The following RABGAP1L variants were observed in gnomAD, a reference collection of about 807,000 sequenced individuals.
The protein encoded by RABGAP1L is RAB GTPase activating protein 1 like.
Under a neutral mutation model 137.7 loss-of-function variants are expected in RABGAP1L, and 63 were observed. That is an observed-to-expected ratio of 0.46 (90% CI 0.37 to 0.56). RABGAP1L has a LOEUF of 0.56. Ranked by LOEUF, RABGAP1L falls within the 20% of genes least tolerant of loss-of-function variation. RABGAP1L has a pLI of 0.00. For synonymous variants in RABGAP1L, 431 were observed against 433.7 expected (o/e 0.99, Z 0.08); for missense variants, 1,095 against 1,244.0 (o/e 0.88, Z 1.80).
intron 13 of RABGAP1L, among the ~76,000 whole-genome samples, chr1:174,424,799 C>T (rs1240799128): frequency 6.6e-6 from 1 of 151,886 alleles, no homozygotes; most frequent in African/African-American, 2.4e-5. Context: ...TCATTCATGA[C>T]ACAATTTATA....
chr1:174,491,140 A>T (rs932145755), intron 13 of RABGAP1L, among the ~76,000 whole-genome samples: 1 of 152,108 alleles, frequency 6.6e-6, no homozygotes, highest in Non-Finnish European at 1.5e-5. Context: ...GAGTAGATGG[A>T]GTCTGTCATC....
At chr1:174,420,812 C>A (rs1169871261) in intron 13 of RABGAP1L, among the ~76,000 whole-genome samples, 3 of 151,842 alleles carry the variant, frequency 2.0e-5, no homozygotes, top group East Asian at 3.9e-4. Context: ...GTAGCTGGGA[C>A]TACAGGCGCC....
At chr1:174,782,160 A>G (rs577381428) in intron 18 of RABGAP1L, among the ~76,000 whole-genome samples, 282 of 152,254 alleles carry the variant, frequency 1.9e-3, no homozygotes, top group Non-Finnish European at 2.1e-3. Context: ...CTTGGGCAGT[A>G]TGGCCATTTT....
chr1:174,502,638 GTA>G (rs1314085970), intron 13 of RABGAP1L, among the ~76,000 whole-genome samples: 24 of 146,516 alleles, frequency 1.6e-4, no homozygotes, highest in African/African-American at 4.8e-4. Flanking sequence ...ATATATGTGT[GTA>G]TATATATGTA....
At chr1:174,447,972 G>C in intron 13 of RABGAP1L, 1 of 614,102 alleles carries the variant, frequency 1.6e-6, no homozygotes, top group Non-Finnish European at 2.8e-6. Flanking sequence ...GCACTCTCTG[G>C]GACTCTCAGC....
chr1:174,399,095 C>T (rs959573585), intron 13 of RABGAP1L, among the ~76,000 whole-genome samples: 10 of 152,112 alleles, frequency 6.6e-5, no homozygotes, highest in East Asian at 1.9e-4. Flanking sequence ...TAATCATGTG[C>T]GTTTATTCAG....
chr1:174,487,548 G>T (rs1305530179), intron 13 of RABGAP1L, among the ~76,000 whole-genome samples: 17 of 152,096 alleles, frequency 1.1e-4, no homozygotes, highest in Admixed American at 1.1e-3. Context: ...GTAGGCAACA[G>T]ATCATTGAGT....
chr1:174,473,725 C>T (rs1343096625), intron 13 of RABGAP1L, among the ~76,000 whole-genome samples: 1 of 152,042 alleles, frequency 6.6e-6, no homozygotes, highest in African/African-American at 2.4e-5. Context: ...GTTTAGAATC[C>T]ACATATGTAA....
At chr1:174,225,507 T>TTA (rs1351621587) in intron 3 of RABGAP1L, among the ~76,000 whole-genome samples, 2 of 151,522 alleles carry the variant, frequency 1.3e-5, no homozygotes, top group African/African-American at 4.8e-5. Flanking sequence ...TTTTTTTTTT[T>TTA]TTTTTTTTAA....
intron 13 of RABGAP1L, among the ~76,000 whole-genome samples, chr1:174,634,918 G>T (rs1673822185): frequency 1.4e-5 from 2 of 144,286 alleles, no homozygotes; most frequent in South Asian, 2.2e-4. Context: ...AGCATTGGGA[G>T]ATATACCTAA....
chr1:174,172,700 G>A (rs534586839), intron 1 of RABGAP1L, among the ~76,000 whole-genome samples: 7 of 152,016 alleles, frequency 4.6e-5, no homozygotes, highest in African/African-American at 1.7e-4. Context: ...GGGTTATTTC[G>A]TTTTGTTTTG....
At chr1:174,166,694 G>C (rs993852538) in intron 1 of RABGAP1L, among the ~76,000 whole-genome samples, 1 of 152,198 alleles carries the variant, frequency 6.6e-6, no homozygotes, top group African/African-American at 2.4e-5. Flanking sequence ...TCTGTCTGCT[G>C]ATGATTTCAC....
chr1:174,961,856 A>G (rs947851137), intron 20 of RABGAP1L, among the ~76,000 whole-genome samples: 5 of 88,814 alleles, frequency 5.6e-5, no homozygotes, highest in Non-Finnish European at 1.3e-4. Context: ...AAAAAAAAAA[A>G]AAAAAAAAAA....
intron 11 of RABGAP1L, among the ~76,000 whole-genome samples, chr1:174,316,230 A>G (rs1679365422): frequency 6.6e-6 from 1 of 152,156 alleles, no homozygotes; most frequent in Admixed American, 6.5e-5. Flanking sequence ...TTCTTCAGGA[A>G]TGGTCCCTGG....
intron 18 of RABGAP1L, among the ~76,000 whole-genome samples, chr1:174,782,446 T>G (rs1166802819): frequency 2.0e-5 from 3 of 152,202 alleles, no homozygotes; most frequent in Non-Finnish European, 4.4e-5. Flanking sequence ...AAGTTGCTTA[T>G]CAGCTTAAGG....
At chr1:174,238,817 C>G (rs1328408146) in intron 4 of RABGAP1L, 2 of 152,298 alleles carry the variant, frequency 1.3e-5, no homozygotes, top group East Asian at 1.9e-4. Context: ...TTCCCGGCTG[C>G]TTTGTTTACC....
chr1:174,697,500 G>A (rs1349233242), intron 15 of RABGAP1L, among the ~76,000 whole-genome samples: 1 of 152,118 alleles, frequency 6.6e-6, no homozygotes, highest in African/African-American at 2.4e-5. Flanking sequence ...TGTATTTTTA[G>A]TAGAGACGGG....
At chr1:174,459,087 G>T (rs1411642738) in intron 13 of RABGAP1L, among the ~76,000 whole-genome samples, 1 of 152,050 alleles carries the variant, frequency 6.6e-6, no homozygotes, top group African/African-American at 2.4e-5. Context: ...AAGATGTATT[G>T]CAGTGCTAGG....
intron 11 of RABGAP1L, among the ~76,000 whole-genome samples, chr1:174,327,952 TGTAA>T (rs1236346271): frequency 1.0e-5 from 1 of 99,554 alleles, no homozygotes; most frequent in Non-Finnish European, 1.8e-5. Context: ...ATATAACAGT[TGTAA>T]ATATATATAT....
Sources: allele counts gnomAD v4.1 joint callset (sites outside exome capture counted in the v4.1 genomes callset), GRCh38; gene constraint gnomAD v4.1.1; transcripts MANE v1.5; gene names NCBI Gene and HGNC (gene_info 2026-07-23, HGNC 2026-07-21).